ATP9B: variants seen among roughly 807,000 people sequenced by gnomAD.
The protein encoded by ATP9B is probable phospholipid-transporting ATPase IIB.
A neutral mutation model predicts 146.1 loss-of-function variants in ATP9B; 110 were observed. The ratio of observed to expected loss-of-function variants is 0.75; its 90% CI spans 0.65 to 0.88. The LOEUF is 0.88. Ranked by LOEUF, ATP9B falls within the 40% of genes least tolerant of loss-of-function variation. ATP9B has a pLI of 0.00. For synonymous variants in ATP9B, 604 were observed against 569.7 expected (o/e 1.06, Z -0.86); for missense variants, 1,499 against 1,496.4 (o/e 1.00, Z -0.03).
chr18:79,075,096 A>G (rs1157785186), intron 1 of ATP9B, among the ~76,000 whole-genome samples: 1 of 127,146 alleles, frequency 7.9e-6, no homozygotes, highest in Non-Finnish European at 1.7e-5. Flanking sequence ...TTTTTTTTTG[A>G]GACGGAGTCT....
At chr18:79,341,134 T>C (rs981090649) in intron 19 of ATP9B, among the ~76,000 whole-genome samples, 3 of 152,258 alleles carry the variant, frequency 2.0e-5, no homozygotes. Context: ...TGGTTGGATG[T>C]GTGTAGCGTG....
chr18:79,207,114 A>G lies in ATP9B; in HGVS notation c.1030+102A>G, dbSNP rs1017657917. On this transcript the variant is annotated intron_variant, in intron 10 of 29. Transcript: ENST00000426216. The stretch of plus-strand genomic sequence containing the variant: ...AGGGTTTCTCACAGTGCCCTGAAAT[A>G]TTTAGGGACCTTGCTAAACGCAGAC... 2.7e-6 allele frequency: 3 copies of G among 1,130,780 alleles called. No individual in the cohort carries two copies. In the African/African-American group the frequency reaches 4.6e-5, roughly 17 times the overall value. 70.0% of individuals were successfully genotyped at this position (1,130,780 alleles called of 1,614,324 possible). A position where few individuals can be genotyped will look rare whatever the true frequency, so the allele number is the denominator to read the frequency against.
chr18:79,209,638 C>T, intron 10 of ATP9B: 1 of 985,312 alleles, frequency 1.0e-6, no homozygotes, highest in Non-Finnish European at 1.2e-6. Context: ...ATTCTGTTCT[C>T]TTTGCCATCT....
rs781480074 is a variant in ATP9B, at chr18:79,102,769, A to T, written c.293+6120A>T. ...ATGTTGAGTCTTCTAGATCATGAAC[A>T]TGGTACCTTTTGCTCCGTTTTATTT... On this transcript the variant is annotated intron_variant, in intron 2 of 29. Transcript: ENST00000426216. Among the ~76,000 whole-genome samples the T allele has an allele frequency of 8.1e-4, 124 of 152,210 alleles. 1 individual carries two copies. The highest frequency in any genetic ancestry group is 8.1e-3 in the Admixed American group (124 of 15,280).
intron 5 of ATP9B, among the ~76,000 whole-genome samples, chr18:79,141,038 T>C (rs2094507638): frequency 3.9e-5 from 6 of 152,202 alleles, no homozygotes; most frequent in Admixed American, 3.3e-4. Flanking sequence ...GGCGATACCG[T>C]TTGGCTGTGT....
chr18:79,196,299 G>A (rs1405682738), intron 9 of ATP9B, among the ~76,000 whole-genome samples: 1 of 152,180 alleles, frequency 6.6e-6, no homozygotes, highest in Non-Finnish European at 1.5e-5. Context: ...ATCTTACAGA[G>A]GATTAGCTCT....
intron 11 of ATP9B, among the ~76,000 whole-genome samples, chr18:79,220,138 G>A (rs981500155): frequency 2.4e-4 from 37 of 152,214 alleles, no homozygotes; most frequent in African/African-American, 8.9e-4. Context: ...ATGGCAGTGA[G>A]AGGGCTCCTT....
intron 4 of ATP9B, among the ~76,000 whole-genome samples, chr18:79,116,940 T>TAAAAAAAAAAAAAAAA (rs377608135): frequency 9.4e-6 from 1 of 106,800 alleles, no homozygotes; most frequent in African/African-American, 3.6e-5. Context: ...AAAAAAAAAT[T>TAAAAAAAAAAAAAAAA]AAAAAAAAAA....
intron 12 of ATP9B, among the ~76,000 whole-genome samples, chr18:79,255,637 G>A (rs2096070035): frequency 6.6e-6 from 1 of 152,240 alleles, no homozygotes; most frequent in African/African-American, 2.4e-5. Flanking sequence ...CTCAGATGGA[G>A]GAGCTGCTTC....
chr18:79,206,859 C>T (rs1024265691), intron 9 of ATP9B, 78 bp from the exon 10 acceptor site: 1 of 1,368,346 alleles, frequency 7.3e-7, no homozygotes, highest in Non-Finnish European at 1.0e-6. Context: ...GGACCTGTTT[C>T]TAATACTGAG....
At chr18:79,220,931 C>G (rs1428390350) in intron 11 of ATP9B, among the ~76,000 whole-genome samples, 1 of 152,186 alleles carries the variant, frequency 6.6e-6, no homozygotes, top group Non-Finnish European at 1.5e-5. Context: ...GCCTCTTGTG[C>G]TTTTGCCTCA....
At chr18:79,089,669 G>A (rs1449032825) in intron 1 of ATP9B, among the ~76,000 whole-genome samples, 1 of 152,100 alleles carries the variant, frequency 6.6e-6, no homozygotes, top group African/African-American at 2.4e-5. Flanking sequence ...ACATTTATGC[G>A]ATACATATGA....
At chr18:79,119,987 A>T (rs1330866249) in intron 4 of ATP9B, among the ~76,000 whole-genome samples, 4 of 152,226 alleles carry the variant, frequency 2.6e-5, no homozygotes, top group Non-Finnish European at 5.9e-5. Context: ...AACATACACT[A>T]AATCTAAAGA....
intron 25 of ATP9B, 144 bp downstream of exon 25, chr18:79,348,340 A>G (rs1290584224): frequency 5.2e-6 from 4 of 774,714 alleles, no homozygotes; most frequent in Non-Finnish European, 8.3e-6. Context: ...TAAAAACAAC[A>G]TTTTACTTGG....
chr18:79,140,010 G>A (rs976140131), intron 5 of ATP9B, among the ~76,000 whole-genome samples: 4 of 152,164 alleles, frequency 2.6e-5, no homozygotes, highest in African/African-American at 4.8e-5. Context: ...TTTAAATATT[G>A]ATAGCATTTT....
chr18:79,278,128 G>C (rs542939752), intron 13 of ATP9B, among the ~76,000 whole-genome samples: 1 of 152,288 alleles, frequency 6.6e-6, no homozygotes, highest in East Asian at 1.9e-4. Flanking sequence ...AACAAAACAG[G>C]TCTCTAATAC....
intron 29 of ATP9B, chr18:79,376,526 A>C (rs566615040): frequency 3.2e-5 from 16 of 500,028 alleles, no homozygotes; most frequent in African/African-American, 2.9e-4. Context: ...AGTAGCTGGG[A>C]TTACAGGTGC....
At chr18:79,344,500 C>A (rs2096875573) in intron 21 of ATP9B, 146 bp downstream of exon 21, 1 of 774,098 alleles carries the variant, frequency 1.3e-6, no homozygotes, top group Non-Finnish European at 2.2e-6. Flanking sequence ...GTCTCTGAGG[C>A]AAGGCTGGAC....
At chr18:79,114,757 C>T (rs998051556) in intron 4 of ATP9B, among the ~76,000 whole-genome samples, 44 of 152,120 alleles carry the variant, frequency 2.9e-4, no homozygotes, top group Non-Finnish European at 1.5e-4. Context: ...CACTGTGGCG[C>T]TCATCCCATT....
Sources: allele counts gnomAD v4.1 joint callset (sites outside exome capture counted in the v4.1 genomes callset), GRCh38; gene constraint gnomAD v4.1.1; transcripts MANE v1.5; gene names NCBI Gene and HGNC (gene_info 2026-07-23, HGNC 2026-07-21).